The following EVC variants were observed in gnomAD, a reference collection of about 807,000 sequenced individuals.
EVC encodes the protein evC complex member EVC.
EVC carries 116 observed loss-of-function variants against 118.9 expected under a neutral mutation model. The observed-to-expected ratio is 0.98, with a 90% CI of 0.84 to 1.14. The LOEUF (loss-of-function observed/expected upper bound fraction) is 1.14, where lower values mean the gene tolerates loss of function less well. EVC is among the 50% of genes most tolerant of loss of function. The pLI is 0.00. For synonymous variants in EVC, 619 were observed against 534.7 expected (o/e 1.16, Z -2.18); for missense variants, 1,401 against 1,246.4 (o/e 1.12, Z -1.87).
chr4:5,815,970 G>A (rs567820986), downstream of EVC, among the ~76,000 whole-genome samples: 27 of 151,896 alleles, frequency 1.8e-4, no homozygotes, highest in Non-Finnish European at 2.9e-5. Context: ...TGTGGTGTAT[G>A]GATTGGAAAG....
chr4:5,780,798 A>G (rs539425457), intron 11 of EVC, among the ~76,000 whole-genome samples: 5 of 152,338 alleles, frequency 3.3e-5, no homozygotes, highest in East Asian at 3.9e-4. Context: ...GACTCAGCCT[A>G]TAGTTGTACC....
chr4:5,825,787 CA>C, the EVC span: 2 of 833,446 alleles, frequency 2.4e-6, no homozygotes, highest in Non-Finnish European at 1.9e-6. This position sits in a 1 kb window ranked among gnomAD's most constrained non-coding sequence, Gnocchi z 4.4. Flanking sequence ...CACACACACA[CA>C]CAACACGCAC....
At chr4:5,817,514 G>A (rs1287336232), downstream of EVC, among the ~76,000 whole-genome samples, 2 of 152,204 alleles carry the variant, frequency 1.3e-5, no homozygotes, top group African/African-American at 4.8e-5. Context: ...CAGGGCCCCT[G>A]TGTCTTTTCC....
rs570177957 is a variant in EVC at position 5,779,127 on chromosome 4, G to A, written c.1564-4425G>A. Among the ~76,000 whole-genome samples, 396 of 150,044 alleles carry A rather than the reference G, an allele frequency of 2.6e-3. 5 individuals carry two copies. Among genetic ancestry groups the A allele is most frequent in the South Asian group, 9.2e-3 (43 of 4,692 alleles). On this transcript the variant is annotated intron_variant, in intron 11 of 20. Coordinates refer to ENST00000264956, the MANE Select transcript of EVC (RefSeq NM_153717.3). ...TTTCCCCATTGCTTGTTTTTCTCAG[G>A]TTTGTCAAAGATCAGATAGTTGTAG...
In EVC at chr4:5,801,671, CAAA is replaced by C. The variant is rs35554149; in HGVS notation, c.2305-260_2305-258del. On this transcript the variant is annotated intron_variant, in intron 15 of 20. Coordinates refer to ENST00000264956, the MANE Select transcript of EVC (RefSeq NM_153717.3). The stretch of plus-strand genomic sequence containing the variant: ...TAGGCAACAGAGTGAGTCTCCATCT[CAAA>C]AAAAAAAAAAAAAAAAAAGATGCGG... The C allele has an allele frequency of 0.033, 8,162 of 244,534 alleles. 33 individuals are homozygous for C. The highest frequency in any genetic ancestry group is 0.063 in the African/African-American group (1,542 of 24,452). 15.1% of individuals were successfully genotyped at this position (244,534 alleles called of 1,614,324 possible). A position where few individuals can be genotyped will look rare whatever the true frequency, so the allele number is the denominator to read the frequency against.
chr4:5,785,935 A>G (rs958786038), intron 12 of EVC, among the ~76,000 whole-genome samples: 5 of 152,158 alleles, frequency 3.3e-5, no homozygotes, highest in African/African-American at 1.2e-4. Context: ...TGTCTCAGAA[A>G]CCAGGTGAGC....
In EVC at chr4:5,731,279, T is replaced by C; in HGVS notation, c.385-146T>C. The stretch of plus-strand genomic sequence containing the variant: ...GTGGCAGAACCTGGGACGGAAACTC[T>C]GTGGTGTCTGCTGGCACCCTGGCCA... On this transcript the variant is annotated intron_variant, in intron 3 of 20. Transcript: ENST00000264956. The surrounding 1 kb of genome is among the most constrained non-coding windows in gnomAD (Gnocchi z 5.6). 1.3e-6 allele frequency: 1 copy of C among 766,694 alleles called. No individual in the cohort carries two copies. Among genetic ancestry groups the C allele is most frequent in the Non-Finnish European group, 2.4e-6 (1 of 425,104 alleles). 47.5% of individuals were successfully genotyped at this position (766,694 alleles called of 1,614,324 possible). A position where few individuals can be genotyped will look rare whatever the true frequency, so the allele number is the denominator to read the frequency against.
intron 1 of EVC, among the ~76,000 whole-genome samples, chr4:5,715,376 C>G (rs1201568300): frequency 2.0e-5 from 3 of 152,170 alleles, no homozygotes. Flanking sequence ...TTGGGCTCTA[C>G]CCCAGACTCA....
At chr4:5,748,711 TCCACCCAC>T (rs1560331302) in intron 8 of EVC, among the ~76,000 whole-genome samples, 1 of 59,818 alleles carries the variant, frequency 1.7e-5, no homozygotes, top group Non-Finnish European at 3.0e-5. Context: ...CGTCCACCCA[TCCACCCAC>T]CCACCCATCC....
intron 11 of EVC, among the ~76,000 whole-genome samples, chr4:5,779,762 A>G: frequency 7.3e-6 from 1 of 136,174 alleles, no homozygotes; most frequent in Admixed American, 7.7e-5. Flanking sequence ...GGGGTTTTCT[A>G]GATATACAAT....
At chr4:5,766,712 T>C (rs1163815805) in intron 11 of EVC, among the ~76,000 whole-genome samples, 2 of 135,030 alleles carry the variant, frequency 1.5e-5, no homozygotes, top group African/African-American at 5.7e-5. Flanking sequence ...CTGAGGCTTC[T>C]GCATTCTTCA....
chr4:5,821,714 C>T, the EVC span: 2 of 1,526,626 alleles, frequency 1.3e-6, no homozygotes, highest in East Asian at 2.3e-5. This position sits in a 1 kb window ranked among gnomAD's most constrained non-coding sequence, Gnocchi z 4.4. Context: ...AAGGGATGGA[C>T]ATGATTCCCA....
In EVC at chr4:5,742,866, G is replaced by A. The variant is rs1728817054; in HGVS notation, c.801+1052G>A. On this transcript the variant is annotated intron_variant, in intron 6 of 20. Transcript: ENST00000264956. This position sits in a 1 kb window ranked among gnomAD's most constrained non-coding sequence, Gnocchi z 5.2. ...AGGAATTCAAGGGAGAGCCAGTGGTGTTAGACAGTAGTGTTTTAGTGAATG... is the reference window on the plus strand; with the variant it reads ...AGGAATTCAAGGGAGAGCCAGTGGTATTAGACAGTAGTGTTTTAGTGAATG... Among the ~76,000 whole-genome samples the A allele has an allele frequency of 6.6e-6, 1 of 152,230 alleles. No homozygotes were observed. Among genetic ancestry groups the A allele is most frequent in the South Asian group, 2.1e-4 (1 of 4,834 alleles).
chr4:5,768,776 G>A (rs1386405864), intron 11 of EVC, among the ~76,000 whole-genome samples: 1 of 151,262 alleles, frequency 6.6e-6, no homozygotes, highest in Non-Finnish European at 1.5e-5. Flanking sequence ...AGAATCGCTT[G>A]AACCCAGGAG....
intron 14 of EVC, 178 bp downstream of exon 14, chr4:5,797,410 C>CCG: frequency 1.6e-6 from 1 of 639,662 alleles, no homozygotes; most frequent in Non-Finnish European, 2.8e-6. Flanking sequence ...TTACACTGCA[C>CCG]ACATTTCCCT....
At chr4:5,828,755 T>C in the EVC span, 1 of 1,448,584 alleles carries the variant, frequency 6.9e-7, no homozygotes, top group African/African-American at 1.4e-5. Context: ...TAACATTATA[T>C]CATAAGCGTG....
intron 12 of EVC, among the ~76,000 whole-genome samples, chr4:5,792,464 A>C (rs1288848353): frequency 6.6e-6 from 1 of 152,196 alleles, no homozygotes; most frequent in African/African-American, 2.4e-5. Flanking sequence ...AAAACACATG[A>C]AGCAAAATTG....
At position 5,811,134 on chromosome 4, in the gene EVC, G is replaced by T. The variant is rs1397287950; in HGVS notation, c.*97G>T. On this transcript the variant is annotated 3_prime_UTR_variant, in exon 21 of 21. Transcript: ENST00000264956. ...TGCTGAGAGGCAGCGAGGACGGAGA[G>T]GACAGCGGCATCTCTAGGCTCTTCT... is the stretch of plus-strand genomic sequence containing the variant. 20 of 959,112 alleles carry T rather than the reference G, an allele frequency of 2.1e-5. No homozygotes were observed. Among genetic ancestry groups the T allele is most frequent in the Non-Finnish European group, 3.3e-5 (20 of 607,484 alleles). 59.4% of individuals were successfully genotyped at this position (959,112 alleles called of 1,614,324 possible). A position where few individuals can be genotyped will look rare whatever the true frequency, so the allele number is the denominator to read the frequency against.
chr4:5,816,654 T>TC (rs1315690334), downstream of EVC, among the ~76,000 whole-genome samples: 2 of 108,604 alleles, frequency 1.8e-5, no homozygotes, highest in African/African-American at 3.5e-5. Flanking sequence ...CTCCCTTCCC[T>TC]CCCTCCTTCC....
Sources: gnomAD v4.1 joint callset for allele counts (sites outside exome capture counted in the v4.1 genomes callset) on GRCh38, gnomAD v4.1.1 for gene constraint, Gnocchi (gnomAD v3.1) non-coding constraint, MANE v1.5 for transcripts, NCBI Gene and HGNC (gene_info 2026-07-23, HGNC 2026-07-21) for gene names.